PRKG1: variants seen among roughly 807,000 people sequenced by gnomAD.
The protein encoded by PRKG1 is cGMP-dependent protein kinase 1.
A neutral mutation model predicts 88.1 loss-of-function variants in PRKG1; 35 were observed. The observed-to-expected ratio is 0.40, with a 90% CI of 0.30 to 0.53. The LOEUF is 0.53. Among genes scored for constraint, PRKG1 ranks in the 20% least tolerant of loss-of-function variants. The pLI, the probability that PRKG1 is intolerant of heterozygous loss-of-function variation, is 0.59. For missense variants in PRKG1, 540 were observed against 839.8 expected (o/e 0.64, Z 4.41); for synonymous variants, 303 against 292.5 (o/e 1.04, Z -0.37).
At chr10:51,405,839 G>C (rs58646770) in intron 2 of PRKG1, among the ~76,000 whole-genome samples, 1 of 152,190 alleles carries the variant, frequency 6.6e-6, no homozygotes, top group East Asian at 1.9e-4. Flanking sequence ...TGCATAAGCC[G>C]TAGGGAGATA....
intron 1 of PRKG1, among the ~76,000 whole-genome samples, chr10:51,097,671 A>G (rs1000820178): frequency 6.6e-6 from 1 of 152,090 alleles, no homozygotes; most frequent in Non-Finnish European, 1.5e-5. Flanking sequence ...ACTTCCAACA[A>G]GGATTGCAGT....
chr10:51,773,218 A>AT (rs1410069226), intron 3 of PRKG1, among the ~76,000 whole-genome samples: 3 of 151,978 alleles, frequency 2.0e-5, no homozygotes, highest in Non-Finnish European at 2.9e-5. Flanking sequence ...TTTCTCCAAC[A>AT]TTTTTTCTCA....
At chr10:51,849,286 A>G (rs937321047) in intron 4 of PRKG1, among the ~76,000 whole-genome samples, 1 of 152,196 alleles carries the variant, frequency 6.6e-6, no homozygotes, top group Non-Finnish European at 1.5e-5. Flanking sequence ...GCCACACAGT[A>G]AAGAAAATAA....
rs190697707 is a variant in PRKG1 at position 51,210,593 on chromosome 10, A to T, written c.478+57263A>T. ...GCAAGACTAATATAGAAGAAAAGAC[A>T]GAAGAATCAAATAGACGCAATAAAA... is the stretch of plus-strand genomic sequence containing the variant. On this transcript the variant is annotated intron_variant, in intron 2 of 17. Transcript: ENST00000373980. Among the ~76,000 whole-genome samples, 67 of 152,362 alleles carry T rather than the reference A, an allele frequency of 4.4e-4. 2 individuals carry two copies. The East Asian group carries it at 0.012, about 27-fold the overall frequency.
chr10:52,288,882 T>A (rs778253274), intron 15 of PRKG1, 34 bp downstream of exon 15: 5 of 1,595,238 alleles, frequency 3.1e-6, no homozygotes. Context: ...TTTGAAAACA[T>A]CATAATGTGA....
intron 3 of PRKG1, 145 bp from the exon 4 acceptor site, chr10:51,804,440 T>C (rs1839252841): frequency 1.6e-6 from 1 of 616,280 alleles, no homozygotes; most frequent in Middle Eastern, 4.5e-4. Context: ...TAGGATAGCA[T>C]TGTGATATTA....
At chr10:52,081,053 G>T (rs1489389059) in intron 7 of PRKG1, among the ~76,000 whole-genome samples, 4 of 152,158 alleles carry the variant, frequency 2.6e-5, no homozygotes. Flanking sequence ...AATAGGTGTT[G>T]CTGCTGAGCA....
At chr10:51,981,664 G>A (rs1054312049) in intron 5 of PRKG1, among the ~76,000 whole-genome samples, 8 of 152,048 alleles carry the variant, frequency 5.3e-5, no homozygotes, top group African/African-American at 1.9e-4. Context: ...GGCTTGTAGG[G>A]TTCTGCTGAG....
chr10:51,841,186 C>A (rs919340951), intron 4 of PRKG1, among the ~76,000 whole-genome samples: 2 of 152,238 alleles, frequency 1.3e-5, no homozygotes, highest in East Asian at 3.8e-4. Flanking sequence ...CTCTCTCTCT[C>A]TGTCTCAATC....
chr10:51,758,879 A>G (rs1837942893), intron 3 of PRKG1, among the ~76,000 whole-genome samples: 1 of 131,572 alleles, frequency 7.6e-6, no homozygotes, highest in Non-Finnish European at 1.5e-5. Flanking sequence ...CCAGAGTGTG[A>G]TGTTTCCCTC....
At chr10:51,543,272 T>C (rs972319102) in intron 3 of PRKG1, among the ~76,000 whole-genome samples, 1 of 152,196 alleles carries the variant, frequency 6.6e-6, no homozygotes, top group East Asian at 1.9e-4. Context: ...TTTAAATTCT[T>C]GAAAGGTAGG....
At chr10:51,544,118 T>C (rs1260871253) in intron 3 of PRKG1, among the ~76,000 whole-genome samples, 1 of 152,098 alleles carries the variant, frequency 6.6e-6, no homozygotes, top group Non-Finnish European at 1.5e-5. Flanking sequence ...GTTTGTTACA[T>C]ATGTATACAT....
chr10:51,085,068 G>C (rs893214798), intron 1 of PRKG1, among the ~76,000 whole-genome samples: 2 of 152,096 alleles, frequency 1.3e-5, no homozygotes, highest in Non-Finnish European at 2.9e-5. Context: ...ATATGGCCAG[G>C]ACAAAAAAGA....
intron 3 of PRKG1, among the ~76,000 whole-genome samples, chr10:51,682,551 C>G (rs982868462): frequency 6.6e-6 from 1 of 152,076 alleles, no homozygotes; most frequent in African/African-American, 2.4e-5. Flanking sequence ...GTTTCCATGC[C>G]CATGGGTTTT....
chr10:51,070,093 T>G (rs1589131826), upstream of PRKG1, among the ~76,000 whole-genome samples: 1 of 152,136 alleles, frequency 6.6e-6, no homozygotes, highest in South Asian at 2.1e-4. Flanking sequence ...GGATACAGAA[T>G]AGGACAGTAG....
At chr10:51,043,744 A>G (rs1843454369) in intron 1 of PRKG1, among the ~76,000 whole-genome samples, 1 of 152,192 alleles carries the variant, frequency 6.6e-6, no homozygotes, top group African/African-American at 2.4e-5. Flanking sequence ...AGTACATGGA[A>G]TGTAGTCTGA....
intron 3 of PRKG1, among the ~76,000 whole-genome samples, chr10:51,791,220 A>T (rs1838862396): frequency 6.6e-6 from 1 of 152,190 alleles, no homozygotes; most frequent in Non-Finnish European, 1.5e-5. Flanking sequence ...GGAAAAGTAA[A>T]GAAAGTTAGC....
intron 3 of PRKG1, among the ~76,000 whole-genome samples, chr10:51,723,391 A>G (rs1176741211): frequency 1.3e-5 from 2 of 152,312 alleles, no homozygotes; most frequent in Non-Finnish European, 1.5e-5. Flanking sequence ...CAAACACCAC[A>G]TGTTCTCACT....
intron 1 of PRKG1, among the ~76,000 whole-genome samples, chr10:51,013,130 G>A (rs1843013755): frequency 6.6e-6 from 1 of 152,024 alleles, no homozygotes; most frequent in African/African-American, 2.4e-5. Context: ...CATGAACCAA[G>A]GAACAAGAGA....
Sources: gnomAD v4.1 joint callset for allele counts (sites outside exome capture counted in the v4.1 genomes callset) on GRCh38, gnomAD v4.1.1 for gene constraint, MANE v1.5 for transcripts, NCBI Gene and HGNC (gene_info 2026-07-23, HGNC 2026-07-21) for gene names.